Variants in SCYL2 observed in about 807,000 individuals in gnomAD.
The protein encoded by SCYL2 is SCY1-like protein 2.
In SCYL2, 36 loss-of-function variants were observed where a neutral mutation model predicts 100.4. The ratio of observed to expected loss-of-function variants is 0.36; its 90% confidence interval spans 0.27 to 0.47. SCYL2 has a LOEUF of 0.47. Ranked by LOEUF, SCYL2 falls within the 20% of genes least tolerant of loss-of-function variation. SCYL2 has a pLI of 1.00. For missense variants in SCYL2, 902 were observed against 1,083.9 expected, an observed-to-expected ratio of 0.83 and a Z score of 2.36; for synonymous variants, 330 against 359.2, an observed-to-expected ratio of 0.92 and a Z score of 0.92.
intron 10 of SCYL2, among the ~76,000 whole-genome samples, chr12:100,321,637 C>CA (rs942607562): frequency 4.6e-5 from 7 of 151,848 alleles, no homozygotes; most frequent in East Asian, 1.9e-4. Flanking sequence ...TTACAAATAA[C>CA]AAAAAAAAGA....
chr12:100,306,271 C>A (rs905898129), intron 4 of SCYL2, among the ~76,000 whole-genome samples: 1 of 152,118 alleles, frequency 6.6e-6, no homozygotes, highest in African/African-American at 2.4e-5. Context: ...ACTGACAAAC[C>A]GAATCCAGCA....
At chr12:100,308,905 A>G (rs1429119731) in intron 4 of SCYL2, among the ~76,000 whole-genome samples, 1 of 152,132 alleles carries the variant, frequency 6.6e-6, no homozygotes, top group Non-Finnish European at 1.5e-5. Flanking sequence ...AAAGTCTCCT[A>G]GTCACTACAC....
At chr12:100,300,899 A>G (rs2096326755) in intron 4 of SCYL2, among the ~76,000 whole-genome samples, 1 of 152,152 alleles carries the variant, frequency 6.6e-6, no homozygotes, top group Non-Finnish European at 1.5e-5. Flanking sequence ...TCATCTGTTG[A>G]TGGACACTTA....
chr12:100,267,338 T>A lies in SCYL2; in HGVS notation c.-483T>A. On this transcript the variant is annotated 5_prime_UTR_variant, in exon 1 of 18. Coordinates refer to ENST00000360820, the MANE Select transcript of SCYL2 (RefSeq NM_017988.6). The stretch of plus-strand genomic sequence containing the variant: ...GCAGAGCAGGAACAGCCAGGAGGCG[T>A]TTATTAGGGGGGCGGGGGGAAAGAG... 1 of 359,276 alleles carries A rather than the reference T, an allele frequency of 2.8e-6. No homozygotes were observed. The allele number at this position is 359,276 out of a possible 1,614,324, so 22.3% of individuals were successfully genotyped here.
intron 1 of SCYL2, among the ~76,000 whole-genome samples, chr12:100,274,491 C>G (rs1009723010): frequency 6.6e-6 from 1 of 152,136 alleles, no homozygotes; most frequent in African/African-American, 2.4e-5. Context: ...GGCGTGGGTT[C>G]TTGTTGTTAT....
At chr12:100,336,350 C>T (rs1188767540) in intron 16 of SCYL2, among the ~76,000 whole-genome samples, 1 of 152,086 alleles carries the variant, frequency 6.6e-6, no homozygotes, top group Non-Finnish European at 1.5e-5. Flanking sequence ...TTCCAAACTC[C>T]TTCCATTCTT....
intron 3 of SCYL2, among the ~76,000 whole-genome samples, chr12:100,295,413 G>A (rs1363796154): frequency 1.3e-5 from 2 of 152,240 alleles, no homozygotes; most frequent in African/African-American, 4.8e-5. Flanking sequence ...GCACCATTGA[G>A]CACTGAGTGA....
intron 1 of SCYL2, among the ~76,000 whole-genome samples, chr12:100,276,183 A>G (rs528474630): frequency 2.3e-4 from 35 of 151,790 alleles, no homozygotes; most frequent in Non-Finnish European, 3.2e-4. Context: ...CCCCTCTTCT[A>G]TTTTCTGGGA....
intron 4 of SCYL2, among the ~76,000 whole-genome samples, chr12:100,299,857 G>C (rs905923652): frequency 6.6e-6 from 1 of 152,052 alleles, no homozygotes; most frequent in Admixed American, 6.5e-5. Context: ...ATACACATTC[G>C]TTTCTCCTGA....
At chr12:100,320,128 A>G (rs2096353942) in intron 10 of SCYL2, among the ~76,000 whole-genome samples, 1 of 152,200 alleles carries the variant, frequency 6.6e-6, no homozygotes. Flanking sequence ...CCCACCACCC[A>G]TTATAAAGTG....
rs12582993 is a variant in SCYL2, at chr12:100,322,327, C to T, written c.1396-1198C>T. ...GGCGGAGCTTGCAGTGAGCCGAGAT[C>T]GCGCCACTGCACTCCAGCCTGGGCG... On this transcript the variant is annotated intron_variant, in intron 10 of 17. Transcript: ENST00000360820. Among the ~76,000 whole-genome samples, 282 of 134,142 alleles carry T rather than the reference C, an allele frequency of 2.1e-3. 3 individuals carry two copies. In the East Asian group the frequency reaches 0.036, roughly 17 times the overall value. 88.0% of individuals were successfully genotyped at this position (134,142 alleles called of 152,430 possible).
In SCYL2 at chr12:100,330,375, A is replaced by G. The variant is rs535901225; in HGVS notation, c.1761+1056A>G. On this transcript the variant is annotated intron_variant, in intron 13 of 17. Coordinates refer to ENST00000360820, the MANE Select transcript of SCYL2 (RefSeq NM_017988.6). ...GCATACCTCTATCGCTGTTTGTCAC[A>G]GCTGTGTTCTTATGTGACTGATTCT... Among the ~76,000 whole-genome samples, 9 of 152,290 alleles carry G rather than the reference A, an allele frequency of 5.9e-5. No individual in the cohort carries two copies. The South Asian group carries it at 1.7e-3, about 28-fold the overall frequency.
intron 3 of SCYL2, among the ~76,000 whole-genome samples, chr12:100,295,788 AGGGAG>A (rs2096319500): frequency 6.6e-6 from 1 of 150,744 alleles, no homozygotes; most frequent in East Asian, 2.0e-4. Flanking sequence ...GGAGAGGGAG[AGGGAG>A]AGGGAGAGCT....
chr12:100,291,850 A>C, intron 3 of SCYL2, 190 bp downstream of exon 3: 1 of 542,622 alleles, frequency 1.8e-6, no homozygotes, highest in Non-Finnish European at 3.2e-6. Flanking sequence ...TTGAAATATT[A>C]ATACTTTCTT....
intron 4 of SCYL2, among the ~76,000 whole-genome samples, chr12:100,306,818 TAAAA>T: frequency 6.6e-6 from 1 of 151,788 alleles, no homozygotes; most frequent in East Asian, 1.9e-4. Flanking sequence ...ACAAAATCAA[TAAAA>T]AATAACAAGC....
chr12:100,279,815 C>G (rs529445823), intron 1 of SCYL2, among the ~76,000 whole-genome samples: 12 of 152,314 alleles, frequency 7.9e-5, no homozygotes, highest in African/African-American at 2.2e-4. Context: ...TGATAGCTCT[C>G]TAGTTTGGTT....
At chr12:100,316,669 A>G (rs752660906) in intron 9 of SCYL2, among the ~76,000 whole-genome samples, 16 of 152,200 alleles carry the variant, frequency 1.1e-4, no homozygotes, top group Non-Finnish European at 1.9e-4. Flanking sequence ...GGTTCCCCCA[A>G]ATGGTCAAGG....
At chr12:100,305,083 TAGAC>T (rs769710556) in intron 4 of SCYL2, among the ~76,000 whole-genome samples, 38 of 152,176 alleles carry the variant, frequency 2.5e-4, no homozygotes, top group African/African-American at 7.7e-4. Context: ...TTGTCAATAT[TAGAC>T]AGATCAACGA....
At chr12:100,327,209 A>G (rs768267429) in intron 12 of SCYL2, 1 of 403,776 alleles carries the variant, frequency 2.5e-6, no homozygotes, top group South Asian at 1.8e-5. Flanking sequence ...GAGAGGTAAA[A>G]TAAGTGATTC....
Sources: gnomAD v4.1 joint callset for allele counts (sites outside exome capture counted in the v4.1 genomes callset) on GRCh38, gnomAD v4.1.1 for gene constraint, MANE v1.5 for transcripts, NCBI Gene and HGNC (gene_info 2026-07-23, HGNC 2026-07-21) for gene names.